HMGN4: variants seen among roughly 807,000 people sequenced by gnomAD.
HMGN4 encodes high mobility group nucleosome-binding domain-containing protein 4.
For missense variants in HMGN4, 69 were observed against 104.9 expected (o/e 0.66, Z 1.49); for synonymous variants, 39 against 39.1 (o/e 1.00, Z 0.01).
rs1764294585 is a variant in HMGN4 at position 26,542,232 on chromosome 6, T to G, written c.-80-2895T>G. On this transcript the variant is annotated intron_variant, in intron 1 of 1. Coordinates refer to ENST00000377575, the MANE Select transcript of HMGN4 (RefSeq NM_006353.3). This position sits in a 1 kb window ranked among gnomAD's most constrained non-coding sequence, Gnocchi z 4.6. ...ATAGACTTCCTTTTTTCAGAGCAAT[T>G]TTTGGTTTACAGAAAATTGAGCAGA... Among the ~76,000 whole-genome samples the G allele has an allele frequency of 6.6e-6, 1 of 152,188 alleles. No individual in the cohort carries two copies.
chr6:26,539,625 C>A (rs1248162958), intron 1 of HMGN4, among the ~76,000 whole-genome samples: 1 of 96,406 alleles, frequency 1.0e-5, no homozygotes, highest in Non-Finnish European at 2.0e-5. Context: ...TTTGGTGGGT[C>A]CGCAAAATTA....
Position 26,545,509 on chromosome 6 carries a change from T to C in HMGN4, c.*30T>C, listed in dbSNP as rs766610002. 1.5e-4 allele frequency: 233 copies of C among 1,503,954 alleles called. No individual in the cohort carries two copies. Among genetic ancestry groups the C allele is most frequent in the Non-Finnish European group, 2.0e-4 (221 of 1,125,062 alleles). 93.2% of individuals were successfully genotyped at this position (1,503,954 alleles called of 1,614,324 possible). A position where few individuals can be genotyped will look rare whatever the true frequency, so the allele number is the denominator to read the frequency against. ...TACATTTTTGAGAGCTCTGTACTTA[T>C]AGTGACTCTACTGTTTGAAATACTA... On this transcript the variant is annotated 3_prime_UTR_variant, in exon 2 of 2. Coordinates refer to ENST00000377575, the MANE Select transcript of HMGN4 (RefSeq NM_006353.3).
In HMGN4 at chr6:26,546,544, G is replaced by T. The variant is rs1764353409; in HGVS notation, c.*1065G>T. Among the ~76,000 whole-genome samples, 1 of 152,120 alleles carries T rather than the reference G, an allele frequency of 6.6e-6. No homozygotes were observed. The highest frequency in any genetic ancestry group is 2.4e-5 in the African/African-American group (1 of 41,408). ...TTTCTATTCTGACTGACATCAATTT[G>T]TCTAATCTTGTAGCAGTACAGTACA... On this transcript the variant is annotated 3_prime_UTR_variant, in exon 2 of 2. Coordinates refer to ENST00000377575, the MANE Select transcript of HMGN4 (RefSeq NM_006353.3).
chr6:26,545,454 C>T lies in HMGN4; in HGVS notation c.248C>T (p.Ala83Val), dbSNP rs977718384. 1.3e-6 allele frequency: 2 copies of T among 1,580,880 alleles called. No homozygotes were observed. The highest frequency in any genetic ancestry group is 1.2e-5 in the South Asian group (1 of 86,250). The change falls in exon 2 of 2, where the codon GCG (alanine) becomes GTG (valine). Residue 83 changes from alanine to valine, a missense_variant. By Grantham distance (64) the Ala-to-Val change is moderately conservative. Coordinates refer to ENST00000377575, the MANE Select transcript of HMGN4 (RefSeq NM_006353.3). Reference sequence around the variant, plus strand: ...GCCTCTACACTCCAGTCCCAGAAAGCGGAAGGCACTGGGGATGCCAAGTGA... The same window carrying T: ...GCCTCTACACTCCAGTCCCAGAAAGTGGAAGGCACTGGGGATGCCAAGTGA... ...RDASTLQSQK[A>V]EGTGDAK
Position 26,546,172 on chromosome 6 carries a change from T to C in HMGN4, c.*693T>C, listed in dbSNP as rs1351105827. 3 of 167,096 alleles carry C rather than the reference T, an allele frequency of 1.8e-5. No homozygotes were observed. Among genetic ancestry groups the C allele is most frequent in the South Asian group, 4.1e-4 (2 of 4,836 alleles). The allele number at this position is 167,096 out of a possible 1,614,324, so 10.4% of individuals were successfully genotyped here. On this transcript the variant is annotated 3_prime_UTR_variant, in exon 2 of 2. Coordinates refer to ENST00000377575, the MANE Select transcript of HMGN4 (RefSeq NM_006353.3). ...AGGGGAGTTTGGAAATTGTAAAATG[T>C]TATAGATTGTTGCCTATTTCCTGCT...
intron 1 of HMGN4, among the ~76,000 whole-genome samples, chr6:26,543,702 A>G (rs1226689479): frequency 7.4e-6 from 1 of 135,974 alleles, no homozygotes; most frequent in Non-Finnish European, 1.5e-5. Context: ...CAGAGGTTGC[A>G]GTGAGCCGAG....
Position 26,545,116 on chromosome 6 carries a change from T to G in HMGN4, c.-80-11T>G. 8.8e-7 allele frequency: 1 copy of G among 1,137,726 alleles called. No individual in the cohort carries two copies. The highest frequency in any genetic ancestry group is 1.2e-6 in the Non-Finnish European group (1 of 830,140). 70.5% of individuals were successfully genotyped at this position (1,137,726 alleles called of 1,614,324 possible). A position where few individuals can be genotyped will look rare whatever the true frequency, so the allele number is the denominator to read the frequency against. Reference sequence around the variant, plus strand: ...CCCTTTATGGTTTACGCTTTTTGTGTCTTGTTAAAGACATCTTTCCAGGAA... The same window carrying G: ...CCCTTTATGGTTTACGCTTTTTGTGGCTTGTTAAAGACATCTTTCCAGGAA... On this transcript the variant is annotated splice_polypyrimidine_tract_variant and intron_variant, in intron 1 of 1. Transcript: ENST00000377575.
rs146279544 is a variant in HMGN4, at chr6:26,545,245, T to C, written c.39T>C (p.Asp13=). ...AGGCAAAAGGAGATGCTAAAGGTGA[T>C]AAAGCAAAGGTGAAGGATGAGCCAC... is the stretch of plus-strand genomic sequence containing the variant. The part of the protein sequence containing the change: ...KRKAKGDAKG[D]KAKVKDEPQR... Residue 13 remains aspartate, a synonymous_variant, in exon 2 of 2, where the codon GAT becomes GAC. Coordinates refer to ENST00000377575, the MANE Select transcript of HMGN4 (RefSeq NM_006353.3). 129 of 1,613,378 alleles carry C rather than the reference T, an allele frequency of 8.0e-5. No individual in the cohort carries two copies. In the African/African-American group the frequency reaches 1.6e-3, roughly 20 times the overall value.
chr6:26,539,009 A>G (rs1764254101), intron 1 of HMGN4, among the ~76,000 whole-genome samples: 1 of 152,174 alleles, frequency 6.6e-6, no homozygotes, highest in African/African-American at 2.4e-5. Flanking sequence ...TCCCAAAGTT[A>G]AGAAATGGAC....
At position 26,546,043 on chromosome 6, in the gene HMGN4, A is replaced by T. The variant is rs1055917040; in HGVS notation, c.*564A>T. The T allele has an allele frequency of 4.8e-5, 8 of 167,096 alleles. No homozygotes were observed. The highest frequency in any genetic ancestry group is 1.9e-4 in the African/African-American group (8 of 41,436). 10.4% of individuals were successfully genotyped at this position (167,096 alleles called of 1,614,324 possible). Reference sequence around the variant, plus strand: ...CTCCATGTCAAAGTGGGCCTGAGAAAAGCTCATACATGCCTCATGTGAAGT... The same window carrying T: ...CTCCATGTCAAAGTGGGCCTGAGAATAGCTCATACATGCCTCATGTGAAGT... On this transcript the variant is annotated 3_prime_UTR_variant, in exon 2 of 2. Transcript: ENST00000377575.
At chr6:26,543,879 G>C (rs79135365) in intron 1 of HMGN4, among the ~76,000 whole-genome samples, 6,489 of 150,436 alleles carry the variant, frequency 0.043, 222 homozygotes, top group Non-Finnish European at 0.065. Flanking sequence ...GAATTTCCCA[G>C]TAAATGTTTT....
intron 1 of HMGN4, among the ~76,000 whole-genome samples, chr6:26,543,421 C>CTTTTTTTTTTTTTTTTTTTTTTTTTTTT (rs70977285): frequency 1.2e-5 from 1 of 80,136 alleles, no homozygotes; most frequent in Non-Finnish European, 2.2e-5. Flanking sequence ...GCACCATTAC[C>CTTTTTTTTTTTTTTTTTTTTTTTTTTTT]TTTTTTTTTT....
At position 26,541,277 on chromosome 6, in the gene HMGN4, C is replaced by A. The variant is rs1027148054; in HGVS notation, c.-81+2776C>A. Reference sequence around the variant, plus strand: ...GCCAGGCTGGTCTCGAACTTCTGACCACCTTGGCCTCCCAAAGTTCTGGGA... The same window carrying A: ...GCCAGGCTGGTCTCGAACTTCTGACAACCTTGGCCTCCCAAAGTTCTGGGA... On this transcript the variant is annotated intron_variant, in intron 1 of 1. Transcript: ENST00000377575. 1.6e-4 allele frequency among the ~76,000 whole-genome samples: 24 copies of A among 152,194 alleles called. No individual in the cohort carries two copies. In the East Asian group the frequency reaches 4.6e-3, roughly 29 times the overall value.
Position 26,542,099 on chromosome 6 carries a change from T to C in HMGN4, c.-80-3028T>C, listed in dbSNP as rs1764292954. On this transcript the variant is annotated intron_variant, in intron 1 of 1. Transcript: ENST00000377575. The surrounding 1 kb of genome is among the most constrained non-coding windows in gnomAD (Gnocchi z 4.6). ...GTAAGATTTATCTGCCAGTTAATAA[T>C]TTTTCTTTTCTTCCACATGCATGAA... Among the ~76,000 whole-genome samples, 1 of 152,234 alleles carries C rather than the reference T, an allele frequency of 6.6e-6. No homozygotes were observed. The highest frequency in any genetic ancestry group is 1.5e-5 in the Non-Finnish European group (1 of 68,030).
chr6:26,540,640 T>A (rs1764278544), intron 1 of HMGN4, among the ~76,000 whole-genome samples: 1 of 152,130 alleles, frequency 6.6e-6, no homozygotes, highest in African/African-American at 2.4e-5. Context: ...AGCATTTGCC[T>A]GTGCATTTTT....
chr6:26,543,794 A>T (rs1218066703), intron 1 of HMGN4, among the ~76,000 whole-genome samples: 1 of 134,170 alleles, frequency 7.5e-6, no homozygotes, highest in African/African-American at 2.5e-5. Context: ...AAAAAAAAAA[A>T]ACTGGAGCAA....
At chr6:26,540,507 G>GT (rs1764276589) in intron 1 of HMGN4, among the ~76,000 whole-genome samples, 1 of 151,920 alleles carries the variant, frequency 6.6e-6, no homozygotes, top group South Asian at 2.1e-4. Flanking sequence ...GCTAATTTTT[G>GT]TATTTTTAGT....
At chr6:26,540,082 C>T (rs1402488971) in intron 1 of HMGN4, 1 of 152,140 alleles carries the variant, frequency 6.6e-6, no homozygotes, top group East Asian at 1.9e-4. Flanking sequence ...GAGCTTATGG[C>T]TCACTCCTTC....
rs1440607905 is a variant in HMGN4, at chr6:26,545,128, C to T, written c.-79C>T. The T allele has an allele frequency of 1.6e-6, 2 of 1,251,006 alleles. No homozygotes were observed. The highest frequency in any genetic ancestry group is 3.0e-5 in the African/African-American group (2 of 65,750). The allele number at this position is 1,251,006 out of a possible 1,614,324, so 77.5% of individuals were successfully genotyped here. A position where few individuals can be genotyped will look rare whatever the true frequency, so the allele number is the denominator to read the frequency against. On this transcript the variant is annotated splice_region_variant and 5_prime_UTR_variant, in exon 2 of 2. Coordinates refer to ENST00000377575, the MANE Select transcript of HMGN4 (RefSeq NM_006353.3). ...TACGCTTTTTGTGTCTTGTTAAAGA[C>T]ATCTTTCCAGGAACAGCGTGAGGAG...
Sources: allele counts gnomAD v4.1 joint callset (sites outside exome capture counted in the v4.1 genomes callset), GRCh38; gene constraint gnomAD v4.1.1; non-coding constraint Gnocchi (gnomAD v3.1); transcripts MANE v1.5; gene names NCBI Gene and HGNC (gene_info 2026-07-23, HGNC 2026-07-21).